Variants in OAS3 observed in about 807,000 individuals in gnomAD.
OAS3 encodes 2'-5'-oligoadenylate synthetase 3.
In OAS3, 107 loss-of-function variants were observed where a neutral mutation model predicts 113.0. That is an observed-to-expected ratio of 0.95 (90% CI 0.81 to 1.11). The LOEUF is 1.11. OAS3 is among the 50% of genes most tolerant of loss of function. OAS3 has a pLI of 0.00. For missense variants in OAS3, 1,258 were observed against 1,389.1 expected (o/e 0.91, Z 1.50); for synonymous variants, 552 against 573.6 (o/e 0.96, Z 0.54).
rs1284688157 is a variant in OAS3 at position 112,941,740 on chromosome 12, G to C, written c.348G>C (p.Leu116=). The C allele has an allele frequency of 1.1e-5, 18 of 1,614,050 alleles. No individual in the cohort carries two copies. The highest frequency in any genetic ancestry group is 1.4e-5 in the Non-Finnish European group (17 of 1,179,896). Residue 116 remains leucine (L), a synonymous_variant, in exon 2 of 16, where the codon CTG becomes CTC. Transcript: ENST00000228928. ...GGTGGCAGAACCCAGTCCCTGGTCT[G>C]AGACTCACGTTTCCTGAGCAGAGCG... ...ESWWQNPVPG[L]RLTFPEQSVP... is the part of the protein sequence containing the mutation.
intron 11 of OAS3, among the ~76,000 whole-genome samples, chr12:112,964,990 T>C (rs1379672417): frequency 1.3e-5 from 2 of 152,178 alleles, no homozygotes; most frequent in Admixed American, 6.5e-5. Context: ...CTAGTCCTCA[T>C]GGGCTGAGTG....
At chr12:112,969,019 T>G (rs921466687) in intron 14 of OAS3, among the ~76,000 whole-genome samples, 5 of 152,208 alleles carry the variant, frequency 3.3e-5, no homozygotes, top group African/African-American at 1.2e-4. Flanking sequence ...AGGTTGTGAT[T>G]TGACTCAGCT....
intron 7 of OAS3, among the ~76,000 whole-genome samples, chr12:112,959,681 T>C (rs1417654045): frequency 6.6e-6 from 1 of 152,154 alleles, no homozygotes; most frequent in Non-Finnish European, 1.5e-5. Flanking sequence ...TGGCTTTTCA[T>C]CTCTCTCATT....
In OAS3 at chr12:112,963,469, G is replaced by T; in HGVS notation, c.2229+12G>T. The T allele has an allele frequency of 6.6e-7, 1 of 1,518,122 alleles. No individual in the cohort carries two copies. The highest frequency in any genetic ancestry group is 1.4e-5 in the African/African-American group (1 of 71,946). 94.0% of individuals were successfully genotyped at this position (1,518,122 alleles called of 1,614,324 possible). A position where few individuals can be genotyped will look rare whatever the true frequency, so the allele number is the denominator to read the frequency against. On this transcript the variant is annotated intron_variant, in intron 10 of 15. Coordinates refer to ENST00000228928, the MANE Select transcript of OAS3 (RefSeq NM_006187.4). This position sits in a 1 kb window ranked among gnomAD's most constrained non-coding sequence, Gnocchi z 4.6. ...CCTGGGATGTGATGGTAAGATGGAG[G>T]GTCCTGGGGGGCAGGGGGCCCTGCA...
At chr12:112,944,439 A>C (rs2043707906) in intron 2 of OAS3, 37 bp from the exon 3 acceptor site, 1 of 1,612,486 alleles carries the variant, frequency 6.2e-7, no homozygotes, top group African/African-American at 1.3e-5. Flanking sequence ...CTGTGTCCTC[A>C]GTGCCCTCCC....
In OAS3 at chr12:112,951,839, C is replaced by CA. The variant is rs3038125; in HGVS notation, c.1657+888dup. On this transcript the variant is annotated intron_variant, in intron 7 of 15. Transcript: ENST00000228928. ...TGAAACCCCATCTCCACTAAAAATACAAAAAAAAAAAAAAAAAAAAAAAAT... is the reference window on the plus strand; with the variant it reads ...TGAAACCCCATCTCCACTAAAAATACAAAAAAAAAAAAAAAAAAAAAAAAAT... Among the ~76,000 whole-genome samples, 518 of 105,668 alleles carry CA rather than the reference C, an allele frequency of 4.9e-3. 1 individual carries two copies. Among genetic ancestry groups the CA allele is most frequent in the Non-Finnish European group, 7.8e-3 (416 of 53,272 alleles). The allele number at this position is 105,668 out of a possible 152,430, so 69.3% of individuals were successfully genotyped here. A position where few individuals can be genotyped will look rare whatever the true frequency, so the allele number is the denominator to read the frequency against.
In OAS3 at chr12:112,967,999, G is replaced by C. The variant is rs775639349; in HGVS notation, c.2929G>C (p.Val977Leu). Reference sequence around the variant, plus strand: ...ACAGCACGGGCTGGAACTCCTGACTGTGTATGCCTGGGAGCAGGGCGGGAA... The same window carrying C: ...ACAGCACGGGCTGGAACTCCTGACTCTGTATGCCTGGGAGCAGGGCGGGAA... ...PPQHGLELLT[V>L]YAWEQGGKDS... The change falls in exon 14 of 16, where the codon GTG (valine) becomes CTG (leucine). Residue 977 changes from valine to leucine, a missense_variant. By Grantham distance (32) the Val-to-Leu change is conservative. Coordinates refer to ENST00000228928, the MANE Select transcript of OAS3 (RefSeq NM_006187.4). The C allele has an allele frequency of 6.2e-7, 1 of 1,614,048 alleles. No homozygotes were observed.
At position 112,963,475 on chromosome 12, in the gene OAS3, G is replaced by A. The variant is rs1214252527; in HGVS notation, c.2229+18G>A. 6.6e-7 allele frequency: 1 copy of A among 1,510,052 alleles called. No homozygotes were observed. Among genetic ancestry groups the A allele is most frequent in the Admixed American group, 2.1e-5 (1 of 46,522 alleles). The allele number at this position is 1,510,052 out of a possible 1,614,324, so 93.5% of individuals were successfully genotyped here. On this transcript the variant is annotated intron_variant, in intron 10 of 15. Coordinates refer to ENST00000228928, the MANE Select transcript of OAS3 (RefSeq NM_006187.4). The surrounding 1 kb of genome is among the most constrained non-coding windows in gnomAD (Gnocchi z 4.6). ...ATGTGATGGTAAGATGGAGGGTCCT[G>A]GGGGGCAGGGGGCCCTGCACCCTGC...
chr12:112,946,817 G>A lies in OAS3; in HGVS notation c.711G>A (p.Trp237Ter). The change falls in exon 4 of 16, where the codon TGG becomes TGA. Residue 237 changes from tryptophan (W) to a stop codon, truncating the protein, a stop_gained. Coordinates refer to ENST00000228928, the MANE Select transcript of OAS3 (RefSeq NM_006187.4). LOFTEE classifies it high-confidence loss of function. ...YALELLTIFAWEQGCKKDAFS... is the reference protein window; with the variant it reads ...YALELLTIFA ...TGGAATTGCTGACCATCTTCGCCTG[G>A]GAGCAGGGCTGTAAGAAGGATGCTT... 12 of 1,613,752 alleles carry A rather than the reference G, an allele frequency of 7.4e-6. No homozygotes were observed. Among genetic ancestry groups the A allele is most frequent in the Non-Finnish European group, 1.0e-5 (12 of 1,179,826 alleles).
chr12:112,940,683 A>T (rs1266713995), intron 1 of OAS3, among the ~76,000 whole-genome samples: 1 of 152,226 alleles, frequency 6.6e-6, no homozygotes, highest in Non-Finnish European at 1.5e-5. Context: ...TTGAGTTTTT[A>T]AAAAGTTAGT....
At chr12:112,967,721 C>A in intron 13 of OAS3, 128 bp downstream of exon 13, 1 of 1,145,458 alleles carries the variant, frequency 8.7e-7, no homozygotes, top group Non-Finnish European at 1.2e-6. Flanking sequence ...AGAAAGAGTG[C>A]TATATCTCAG....
chr12:112,939,306 C>CTTT (rs58792765), intron 1 of OAS3, among the ~76,000 whole-genome samples: 14 of 68,304 alleles, frequency 2.0e-4, no homozygotes, highest in Non-Finnish European at 2.7e-4. Flanking sequence ...TGAGTCACAT[C>CTTT]TTTTTTTTTT....
chr12:112,965,606 C>A (rs1593185120), intron 11 of OAS3, 138 bp from the exon 12 acceptor site: 1 of 759,772 alleles, frequency 1.3e-6, no homozygotes, highest in Non-Finnish European at 2.1e-6. Context: ...TACAGTCTTT[C>A]TTACCATATT....
chr12:112,942,072 C>G, intron 2 of OAS3: 1 of 623,296 alleles, frequency 1.6e-6, no homozygotes, highest in East Asian at 2.7e-5. Context: ...TGTCAAGATG[C>G]TTGGCCCTCC....
At chr12:112,944,416 A>G in intron 2 of OAS3, 60 bp from the exon 3 acceptor site, 1 of 1,592,782 alleles carries the variant, frequency 6.3e-7, no homozygotes, top group Non-Finnish European at 8.6e-7. Context: ...CGGCACCAAC[A>G]CCGCCCTCCA....
chr12:112,966,007 G>A lies in OAS3; in HGVS notation c.2667G>A (p.Val889=). The A allele has an allele frequency of 6.2e-7, 1 of 1,614,022 alleles. No homozygotes were observed. The highest frequency in any genetic ancestry group is 8.5e-7 in the Non-Finnish European group (1 of 1,179,874). The change falls in exon 12 of 16, where the codon GTG becomes GTA. Residue 889 remains valine, a synonymous_variant. Coordinates refer to ENST00000228928, the MANE Select transcript of OAS3 (RefSeq NM_006187.4). The part of the protein sequence containing the change: ...TMLDQSVDFD[V]LPAFDALGQL... ...TGGACCAGAGTGTGGACTTTGATGTGCTGCCAGCCTTTGACGCCCTAGGTG... is the reference window on the plus strand; with the variant it reads ...TGGACCAGAGTGTGGACTTTGATGTACTGCCAGCCTTTGACGCCCTAGGTG...
In OAS3 at chr12:112,961,216, G is replaced by T; in HGVS notation, c.1803G>T (p.Leu601=). The stretch of plus-strand genomic sequence containing the variant: ...TTCGCCCTGTCAAGCTGAAGAACCT[G>T]ATTCTGCTGGTGAAGCACTGGTACC... ...MNIRPVKLKN[L]ILLVKHWYRQ... The change falls in exon 8 of 16, where the codon CTG becomes CTT. Residue 601 remains leucine, a synonymous_variant. Coordinates refer to ENST00000228928, the MANE Select transcript of OAS3 (RefSeq NM_006187.4). 1 of 1,614,030 alleles carries T rather than the reference G, an allele frequency of 6.2e-7. No homozygotes were observed. Among genetic ancestry groups the T allele is most frequent in the Middle Eastern group, 1.6e-4 (1 of 6,062 alleles).
chr12:112,941,687 AGTGAGATGCGGGCATCGCTGG>A lies in OAS3; in HGVS notation c.296_316del (p.Ser99_Glu106delinsLys). ...GAGGGCCCGCCGTGCAGAGATCCTCAGTGAGATGCGGGCATCGCTGGAATCCTGGTGGCAGAACCCAGTCCC... is the reference window on the plus strand; with the variant it reads ...GAGGGCCCGCCGTGCAGAGATCCTCAAATCCTGGTGGCAGAACCCAGTCCC... On this transcript the variant is annotated inframe_deletion, in exon 2 of 16. Transcript: ENST00000228928. The A allele has an allele frequency of 6.2e-7, 1 of 1,614,054 alleles. No individual in the cohort carries two copies. Among genetic ancestry groups the A allele is most frequent in the Non-Finnish European group, 8.5e-7 (1 of 1,179,904 alleles).
rs1565981050 is a variant in OAS3, at chr12:112,963,017, C to G, written c.2084+115C>G. On this transcript the variant is annotated intron_variant, in intron 9 of 15. Coordinates refer to ENST00000228928, the MANE Select transcript of OAS3 (RefSeq NM_006187.4). This position sits in a 1 kb window ranked among gnomAD's most constrained non-coding sequence, Gnocchi z 4.6. ...AGGGTTTGGGGTGGCAATCCCACTC[C>G]TCACTCTGCTTCCCTCTGGACTCTT... 1.4e-6 allele frequency: 2 copies of G among 1,427,356 alleles called. No homozygotes were observed. Among genetic ancestry groups the G allele is most frequent in the Non-Finnish European group, 1.9e-6 (2 of 1,041,628 alleles). The allele number at this position is 1,427,356 out of a possible 1,614,324, so 88.4% of individuals were successfully genotyped here.
Sources: allele counts gnomAD v4.1 joint callset (sites outside exome capture counted in the v4.1 genomes callset), GRCh38; gene constraint gnomAD v4.1.1; non-coding constraint Gnocchi (gnomAD v3.1); transcripts MANE v1.5; gene names NCBI Gene and HGNC (gene_info 2026-07-23, HGNC 2026-07-21).